CNTN5: variants seen among roughly 807,000 people sequenced by gnomAD.
CNTN5 encodes contactin 5.
A neutral mutation model predicts 129.1 loss-of-function variants in CNTN5; 77 were observed. The observed-to-expected ratio is 0.60, with a 90% CI of 0.50 to 0.72. The LOEUF (loss-of-function observed/expected upper bound fraction) is 0.72. Among genes scored for constraint, CNTN5 ranks in the 30% least tolerant of loss-of-function variants. CNTN5 has a pLI of 0.00. For synonymous variants in CNTN5, 509 were observed against 465.6 expected (o/e 1.09, Z -1.20); for missense variants, 1,478 against 1,328.8 (o/e 1.11, Z -1.75).
chr11:99,343,124 G>C (rs1181390493), intron 2 of CNTN5, among the ~76,000 whole-genome samples: 2 of 152,162 alleles, frequency 1.3e-5, no homozygotes, highest in Non-Finnish European at 2.9e-5. Context: ...TGGAAGAGAG[G>C]CAATAGCAAG....
chr11:99,342,259 C>G (rs1043249204), intron 2 of CNTN5, among the ~76,000 whole-genome samples: 1 of 151,886 alleles, frequency 6.6e-6, no homozygotes, highest in African/African-American at 2.4e-5. Context: ...TTGCCACAAA[C>G]TATTTCTCAT....
rs1159021600 is a variant in CNTN5 at position 99,771,620 on chromosome 11, G to A, written c.56-47924G>A. Among the ~76,000 whole-genome samples, 5 of 151,948 alleles carry A rather than the reference G, an allele frequency of 3.3e-5. No homozygotes were observed. In the East Asian group the frequency reaches 9.7e-4, roughly 29 times the overall value. ...AGTGAACTTGGAAAAGCAGAGAATAGAATGGTGGTTACCATTAGCTGGCGG... is the reference window on the plus strand; with the variant it reads ...AGTGAACTTGGAAAAGCAGAGAATAAAATGGTGGTTACCATTAGCTGGCGG... On this transcript the variant is annotated intron_variant, in intron 3 of 24. Coordinates refer to ENST00000524871, the MANE Select transcript of CNTN5 (RefSeq NM_014361.4).
At chr11:99,236,031 G>A (rs1246381718) in intron 1 of CNTN5, among the ~76,000 whole-genome samples, 1 of 152,082 alleles carries the variant, frequency 6.6e-6, no homozygotes, top group African/African-American at 2.4e-5. Flanking sequence ...AACTTCACAG[G>A]TATGCTTCAT....
chr11:99,655,973 T>C (rs1046004055), intron 3 of CNTN5, among the ~76,000 whole-genome samples: 4 of 152,002 alleles, frequency 2.6e-5, no homozygotes, highest in East Asian at 1.9e-4. Flanking sequence ...TATACACATA[T>C]ATGCATGTGT....
intron 4 of CNTN5, among the ~76,000 whole-genome samples, chr11:99,844,428 C>G (rs1311086965): frequency 3.9e-5 from 6 of 152,044 alleles, no homozygotes. Context: ...ATTTTCATAC[C>G]TGTAGCACCT....
chr11:100,029,308 C>T (rs906544673), intron 9 of CNTN5, among the ~76,000 whole-genome samples: 7 of 152,128 alleles, frequency 4.6e-5, no homozygotes, highest in South Asian at 2.1e-4. Context: ...ATTGGCCGGG[C>T]GCGGTGGCTC....
chr11:99,058,482 A>T (rs1008080117), intron 1 of CNTN5, among the ~76,000 whole-genome samples: 2 of 151,976 alleles, frequency 1.3e-5, no homozygotes, highest in African/African-American at 4.8e-5. Flanking sequence ...ATTTTCTCAC[A>T]ATATTAGAGT....
At chr11:99,663,223 C>A (rs1349172803) in intron 3 of CNTN5, among the ~76,000 whole-genome samples, 1 of 152,106 alleles carries the variant, frequency 6.6e-6, no homozygotes, top group Non-Finnish European at 1.5e-5. Context: ...AATCCCAGCA[C>A]TTTGGGAGGC....
At chr11:99,311,335 T>C (rs1006145979) in intron 1 of CNTN5, among the ~76,000 whole-genome samples, 5 of 152,224 alleles carry the variant, frequency 3.3e-5, no homozygotes, top group Admixed American at 6.5e-5. Flanking sequence ...TCAAATACTT[T>C]AATGTCCATA....
In CNTN5 at chr11:100,133,013, TAGC is replaced by T. The variant is rs528737716; in HGVS notation, c.1581-58110_1581-58108del. On this transcript the variant is annotated intron_variant, in intron 13 of 24. Transcript: ENST00000524871. ...TAAATTATTCAGGCCTTTATAAAAA[TAGC>T]AGAACAGTATATTTTAATATTAATT... Among the ~76,000 whole-genome samples, 428 of 152,216 alleles carry T rather than the reference TAGC, an allele frequency of 2.8e-3. 3 individuals are homozygous for T. Among genetic ancestry groups the T allele is most frequent in the Non-Finnish European group, 4.7e-3 (322 of 67,990 alleles).
chr11:100,208,483 G>A (rs1948960083), intron 15 of CNTN5, among the ~76,000 whole-genome samples: 1 of 152,150 alleles, frequency 6.6e-6, no homozygotes, highest in Admixed American at 6.5e-5. Flanking sequence ...CTAAGACCAA[G>A]AGCAGTAGTG....
At chr11:99,283,070 G>A (rs1313349590) in intron 1 of CNTN5, among the ~76,000 whole-genome samples, 2 of 152,108 alleles carry the variant, frequency 1.3e-5, no homozygotes, top group Non-Finnish European at 2.9e-5. Flanking sequence ...GGGAAAGAGG[G>A]CAAGAAGAGC....
chr11:99,911,537 T>C (rs1949659116), intron 6 of CNTN5, among the ~76,000 whole-genome samples: 1 of 151,954 alleles, frequency 6.6e-6, no homozygotes, highest in Non-Finnish European at 1.5e-5. Flanking sequence ...AACCAAGCTA[T>C]TATATTTAAC....
At chr11:100,084,961 A>T (rs757715319) in intron 13 of CNTN5, among the ~76,000 whole-genome samples, 22 of 152,148 alleles carry the variant, frequency 1.4e-4, no homozygotes, top group Non-Finnish European at 2.6e-4. Flanking sequence ...ATACAAATTG[A>T]TTGTGTGCAC....
intron 3 of CNTN5, among the ~76,000 whole-genome samples, chr11:99,601,648 G>C (rs1369632059): frequency 6.6e-6 from 1 of 151,904 alleles, no homozygotes; most frequent in Non-Finnish European, 1.5e-5. Context: ...TCCTTCTTTG[G>C]TGACACCACA....
chr11:100,187,988 A>G (rs7931432), intron 13 of CNTN5, among the ~76,000 whole-genome samples: 6,230 of 152,278 alleles, frequency 0.041, 175 homozygotes, highest in Middle Eastern at 0.15. Flanking sequence ...AAAACTATCA[A>G]TATAGTAAAT....
At chr11:99,782,247 A>T (rs1187957378) in intron 3 of CNTN5, among the ~76,000 whole-genome samples, 2 of 145,162 alleles carry the variant, frequency 1.4e-5, no homozygotes, top group Admixed American at 1.4e-4. Context: ...AGAGAATAAA[A>T]TACCTAGGAA....
chr11:99,630,250 A>G (rs1310275820), intron 3 of CNTN5, among the ~76,000 whole-genome samples: 27 of 1,198 alleles, frequency 0.023, no homozygotes, highest in Non-Finnish European at 0.071. Context: ...GTATATACAT[A>G]TATATATATA....
chr11:100,165,387 A>G (rs894315728), intron 13 of CNTN5, among the ~76,000 whole-genome samples: 1 of 151,768 alleles, frequency 6.6e-6, no homozygotes, highest in African/African-American at 2.4e-5. Flanking sequence ...TTACTGAGCA[A>G]AGAAATGAAT....
Sources: allele counts gnomAD v4.1 joint callset (sites outside exome capture counted in the v4.1 genomes callset), GRCh38; gene constraint gnomAD v4.1.1; transcripts MANE v1.5; gene names NCBI Gene and HGNC (gene_info 2026-07-23, HGNC 2026-07-21).